NRG3: variants seen among roughly 807,000 people sequenced by gnomAD.
NRG3 encodes the protein neuregulin 3.
NRG3 carries 31 observed loss-of-function variants against 66.9 expected under a neutral mutation model. The observed-to-expected ratio is 0.46, with a 90% confidence interval of 0.35 to 0.63. The LOEUF (loss-of-function observed/expected upper bound fraction) is 0.63. NRG3 is among the 20% of genes least tolerant of loss of function. NRG3 has a pLI of 0.00. For synonymous variants in NRG3, 393 were observed against 359.4 expected, an observed-to-expected ratio of 1.09 and a Z score of -1.06; for missense variants, 910 against 878.9, an observed-to-expected ratio of 1.04 and a Z score of -0.45.
At chr10:82,837,401 T>C (rs1207725012) in intron 3 of NRG3, among the ~76,000 whole-genome samples, 2 of 152,108 alleles carry the variant, frequency 1.3e-5, no homozygotes, top group Admixed American at 6.6e-5. Context: ...TTGTGCTAAG[T>C]TTTGAGGATT....
chr10:82,249,784 A>T (rs955085875), intron 1 of NRG3, among the ~76,000 whole-genome samples: 10 of 152,186 alleles, frequency 6.6e-5, no homozygotes, highest in African/African-American at 2.4e-4. Flanking sequence ...TTTGCAATAC[A>T]TTCTTTCGTC....
chr10:82,022,400 T>G (rs1382252804), intron 1 of NRG3, among the ~76,000 whole-genome samples: 1 of 152,080 alleles, frequency 6.6e-6, no homozygotes, highest in East Asian at 1.9e-4. Context: ...GGCTCTGCTT[T>G]CAGTACCTCC....
intron 1 of NRG3, among the ~76,000 whole-genome samples, chr10:82,161,379 G>A (rs2071584455): frequency 6.6e-6 from 1 of 152,114 alleles, no homozygotes; most frequent in South Asian, 2.1e-4. Flanking sequence ...ACTTTAAGGA[G>A]CATGAAATCT....
chr10:82,462,773 A>G (rs903106641), intron 2 of NRG3, among the ~76,000 whole-genome samples: 9 of 152,210 alleles, frequency 5.9e-5, no homozygotes, highest in African/African-American at 2.2e-4. Flanking sequence ...GGGGAGAAAG[A>G]TAGTAAATCT....
At chr10:82,018,421 C>T (rs1417895256) in intron 1 of NRG3, among the ~76,000 whole-genome samples, 1 of 152,128 alleles carries the variant, frequency 6.6e-6, no homozygotes, top group Non-Finnish European at 1.5e-5. Context: ...GATGCGTGCT[C>T]TTTTTTGGTT....
chr10:82,430,698 G>A (rs1330357164), intron 2 of NRG3, among the ~76,000 whole-genome samples: 3 of 152,026 alleles, frequency 2.0e-5, no homozygotes, highest in East Asian at 1.9e-4. Context: ...TTCTTTCATG[G>A]ACTAATTTTG....
intron 1 of NRG3, among the ~76,000 whole-genome samples, chr10:82,335,470 A>G (rs1302991701): frequency 2.0e-5 from 3 of 152,104 alleles, no homozygotes; most frequent in Admixed American, 6.5e-5. Context: ...ATTGACAGGT[A>G]GGTACTCTCA....
intron 3 of NRG3, among the ~76,000 whole-genome samples, chr10:82,837,110 C>T (rs4488143): frequency 0.62 from 94,274 of 152,024 alleles, 30,799 homozygotes; most frequent in African/African-American, 0.83. Flanking sequence ...CCATGGTGTA[C>T]ATGTGCCACA....
chr10:82,421,827 TTCTC>T (rs1590070692), intron 2 of NRG3, among the ~76,000 whole-genome samples: 1 of 95,410 alleles, frequency 1.0e-5, no homozygotes, highest in East Asian at 3.1e-4. Flanking sequence ...AAGGACCCCT[TTCTC>T]TCTTTAAAGC....
At chr10:82,697,799 C>T (rs1432423355) in intron 2 of NRG3, among the ~76,000 whole-genome samples, 2 of 152,148 alleles carry the variant, frequency 1.3e-5, no homozygotes, top group African/African-American at 4.8e-5. Flanking sequence ...TGAGGGGCCT[C>T]CAGACCTCAT....
chr10:82,683,110 C>T (rs768946173), intron 2 of NRG3, among the ~76,000 whole-genome samples: 2 of 151,884 alleles, frequency 1.3e-5, no homozygotes, highest in Non-Finnish European at 1.5e-5. Context: ...AGGTGCCCAC[C>T]ACCACGCCCG....
At chr10:82,782,578 G>A (rs531180061) in intron 3 of NRG3, among the ~76,000 whole-genome samples, 17 of 152,096 alleles carry the variant, frequency 1.1e-4, no homozygotes, top group Non-Finnish European at 2.4e-4. Context: ...ACCTGAAAAT[G>A]TGGACACAGC....
intron 1 of NRG3, among the ~76,000 whole-genome samples, chr10:82,050,361 C>T (rs970031203): frequency 9.9e-5 from 15 of 151,508 alleles, no homozygotes; most frequent in African/African-American, 3.4e-4. Flanking sequence ...TTATAAACCA[C>T]AGCACATAGT....
chr10:82,906,399 T>G (rs1325013389), intron 4 of NRG3, among the ~76,000 whole-genome samples: 5 of 152,208 alleles, frequency 3.3e-5, no homozygotes, highest in Non-Finnish European at 4.4e-5. Context: ...CTGTTGAACT[T>G]TGGGCTTTTA....
chr10:82,097,199 T>C (rs1328307498), intron 1 of NRG3, among the ~76,000 whole-genome samples: 1 of 152,032 alleles, frequency 6.6e-6, no homozygotes, highest in Non-Finnish European at 1.5e-5. Context: ...ATGAACACTC[T>C]TGAGTCTGAA....
chr10:82,712,440 C>A lies in NRG3; in HGVS notation c.954-26137C>A, dbSNP rs563548357. The stretch of plus-strand genomic sequence containing the variant: ...GTTACATAGGGCTGTGAATCTCAAA[C>A]CTTCGGGTGCATCAGAAACACGTGG... On this transcript the variant is annotated intron_variant, in intron 2 of 8. Transcript: ENST00000372141. Among the ~76,000 whole-genome samples the A allele has an allele frequency of 4.6e-5, 7 of 152,264 alleles. No homozygotes were observed. In the South Asian group the frequency reaches 1.4e-3, roughly 32 times the overall value.
chr10:82,299,864 A>T (rs1032364933), intron 1 of NRG3, among the ~76,000 whole-genome samples: 2 of 152,188 alleles, frequency 1.3e-5, no homozygotes, highest in Admixed American at 1.3e-4. Flanking sequence ...ATTTTAGATG[A>T]CTTTTTATCT....
chr10:82,349,192 G>T (rs2083238802), intron 1 of NRG3, among the ~76,000 whole-genome samples: 1 of 149,928 alleles, frequency 6.7e-6, no homozygotes, highest in African/African-American at 2.4e-5. Flanking sequence ...CCATCTTTGT[G>T]GTTTTATCTA....
chr10:82,472,843 A>G (rs1841401396), intron 2 of NRG3, among the ~76,000 whole-genome samples: 1 of 152,136 alleles, frequency 6.6e-6, no homozygotes, highest in Non-Finnish European at 1.5e-5. Flanking sequence ...ATTCTTGAAA[A>G]CACCAGGGCT....
Sources: gnomAD v4.1 joint callset for allele counts (sites outside exome capture counted in the v4.1 genomes callset) on GRCh38, gnomAD v4.1.1 for gene constraint, MANE v1.5 for transcripts, NCBI Gene and HGNC (gene_info 2026-07-23, HGNC 2026-07-21) for gene names.